Variants in RASAL2 observed in about 807,000 individuals in gnomAD.
The protein encoded by RASAL2 is RAS protein activator like 2, also known as ras GTPase-activating protein nGAP.
RASAL2 carries 58 observed loss-of-function variants against 128.9 expected under a neutral mutation model. The observed-to-expected ratio is 0.45, with a 90% confidence interval of 0.36 to 0.56. RASAL2 has a LOEUF of 0.56. RASAL2 is among the 20% of genes least tolerant of loss of function. RASAL2 has a pLI of 0.00. For synonymous variants in RASAL2, 561 were observed against 580.8 expected, an observed-to-expected ratio of 0.97 and a Z score of 0.49; for missense variants, 1,360 against 1,601.6, an observed-to-expected ratio of 0.85 and a Z score of 2.57.
chr1:178,257,123 A>G (rs182963287), intron 1 of RASAL2, among the ~76,000 whole-genome samples: 1 of 152,322 alleles, frequency 6.6e-6, no homozygotes, highest in African/African-American at 2.4e-5. Flanking sequence ...AAGAAATTAA[A>G]GAAGATTTAA....
At chr1:178,403,610 C>T (rs934927707) in intron 4 of RASAL2, among the ~76,000 whole-genome samples, 3 of 151,966 alleles carry the variant, frequency 2.0e-5, no homozygotes, top group Admixed American at 6.6e-5. Context: ...GATATAAGGA[C>T]AACTGAGTAA....
At chr1:178,241,451 A>G (rs148766781) in intron 1 of RASAL2, among the ~76,000 whole-genome samples, 33 of 152,332 alleles carry the variant, frequency 2.2e-4, no homozygotes, top group African/African-American at 6.5e-4. Context: ...TTAGGGGTAC[A>G]TATTAAATTT....
At chr1:178,228,609 C>T (rs1220383992) in intron 1 of RASAL2, among the ~76,000 whole-genome samples, 4 of 152,042 alleles carry the variant, frequency 2.6e-5, no homozygotes, top group African/African-American at 9.7e-5. Context: ...GGTAGTTTTT[C>T]GAAACAATTG....
rs68137228 is a variant in RASAL2 at position 178,110,650 on chromosome 1, A to ATATATATATATGTATG, written c.202+15959_202+15960insATATATATGTATGTAT. On this transcript the variant is annotated intron_variant, in intron 1 of 17. Coordinates refer to ENST00000367649, the MANE Select transcript of RASAL2 (RefSeq NM_170692.4). Reference sequence around the variant, plus strand: ...ATATAGTGTATACATATATATATATATATGTATGTATACTGCAAACTCCAC... The same window carrying ATATATATATATGTATG: ...ATATAGTGTATACATATATATATATATATATATATATGTATGTATGTATGTATACTGCAAACTCCAC... 8.6e-5 allele frequency among the ~76,000 whole-genome samples: 12 copies of ATATATATATATGTATG among 139,162 alleles called. No homozygotes were observed. In the East Asian group the frequency reaches 1.5e-3, roughly 18 times the overall value. 91.3% of individuals were successfully genotyped at this position (139,162 alleles called of 152,430 possible).
chr1:178,253,822 G>A lies in RASAL2; in HGVS notation c.203-29742G>A, dbSNP rs530583899. 4.6e-5 allele frequency among the ~76,000 whole-genome samples: 7 copies of A among 152,244 alleles called. No homozygotes were observed. The South Asian group carries it at 1.5e-3, about 32-fold the overall frequency. On this transcript the variant is annotated intron_variant, in intron 1 of 17. Coordinates refer to ENST00000367649, the MANE Select transcript of RASAL2 (RefSeq NM_170692.4). ...TGGTGGAATGTCATCAGTTAAGGCA[G>A]GAACAGGCCATTTTCACTTCTTTTG...
At chr1:178,337,560 G>A (rs7548163) in intron 3 of RASAL2, among the ~76,000 whole-genome samples, 16,151 of 152,070 alleles carry the variant, frequency 0.11, 906 homozygotes, top group Middle Eastern at 0.14. Context: ...ATCATCTGCT[G>A]TTCAAAAGAG....
intron 3 of RASAL2, among the ~76,000 whole-genome samples, chr1:178,389,661 C>G (rs568406976): frequency 6.6e-6 from 1 of 152,186 alleles, no homozygotes; most frequent in Non-Finnish European, 1.5e-5. Context: ...CTGCACAGAA[C>G]TAACTTTGAC....
intron 1 of RASAL2, among the ~76,000 whole-genome samples, chr1:178,256,907 C>T: frequency 6.6e-6 from 1 of 152,156 alleles, no homozygotes; most frequent in East Asian, 1.9e-4. Context: ...CTCCTGATCT[C>T]AGGTGATCCA....
chr1:178,135,369 A>C (rs1031655701), intron 1 of RASAL2, among the ~76,000 whole-genome samples: 1 of 151,994 alleles, frequency 6.6e-6, no homozygotes, highest in Non-Finnish European at 1.5e-5. Flanking sequence ...CATTTTTTCC[A>C]CAAACTTTTT....
intron 1 of RASAL2, among the ~76,000 whole-genome samples, chr1:178,256,884 G>A (rs1354045974): frequency 6.6e-6 from 1 of 152,050 alleles, no homozygotes; most frequent in Non-Finnish European, 1.5e-5. Flanking sequence ...GTGTTGCCCA[G>A]GCTGGTCTCA....
chr1:178,439,954 G>A (rs929549611), intron 6 of RASAL2, among the ~76,000 whole-genome samples: 1 of 132,746 alleles, frequency 7.5e-6, no homozygotes, highest in Non-Finnish European at 1.5e-5. Flanking sequence ...CTGAGACCAT[G>A]TTTTTCTTAT....
intron 6 of RASAL2, among the ~76,000 whole-genome samples, 159 bp from the exon 7 acceptor site, chr1:178,441,390 G>A (rs992280196): frequency 6.6e-6 from 1 of 152,034 alleles, no homozygotes; most frequent in Non-Finnish European, 1.5e-5. Context: ...AGTAGTTTGG[G>A]ATCTGAGACC....
At chr1:178,425,947 G>A (rs545757961) in intron 5 of RASAL2, among the ~76,000 whole-genome samples, 1 of 152,266 alleles carries the variant, frequency 6.6e-6, no homozygotes, top group South Asian at 2.1e-4. Context: ...AGCAGTCTCT[G>A]CATAGGAAGT....
chr1:178,465,827 AAAAAGAAAGAAAGAG>A (rs2102945438), intron 15 of RASAL2, 78 bp from the exon 16 acceptor site: 1 of 1,179,790 alleles, frequency 8.5e-7, no homozygotes, highest in Non-Finnish European at 1.2e-6. Context: ...AGAAAAAGAA[AAAAAGAAAGAAAGAG>A]AAAGAAAGAA....
chr1:178,318,602 A>G (rs1348416039), intron 3 of RASAL2, among the ~76,000 whole-genome samples: 1 of 150,268 alleles, frequency 6.7e-6, no homozygotes, highest in East Asian at 2.0e-4. Flanking sequence ...TTTATCAGAG[A>G]CTAGGATTGC....
intron 5 of RASAL2, among the ~76,000 whole-genome samples, chr1:178,423,937 G>T (rs1675330598): frequency 6.6e-6 from 1 of 151,914 alleles, no homozygotes; most frequent in Non-Finnish European, 1.5e-5. Flanking sequence ...TCTGTTTCTT[G>T]TGTTTTAAAA....
chr1:178,450,077 T>C (rs762496610), intron 9 of RASAL2, among the ~76,000 whole-genome samples: 1 of 152,138 alleles, frequency 6.6e-6, no homozygotes, highest in Non-Finnish European at 1.5e-5. Flanking sequence ...AGAGAACATA[T>C]TGACTACATA....
intron 5 of RASAL2, among the ~76,000 whole-genome samples, chr1:178,424,634 AT>A (rs1675402690): frequency 6.6e-6 from 1 of 151,800 alleles, no homozygotes; most frequent in Non-Finnish European, 1.5e-5. Flanking sequence ...GCTTATTTTT[AT>A]ACTTTTTGTA....
intron 1 of RASAL2, among the ~76,000 whole-genome samples, chr1:178,193,856 G>A (rs1205139614): frequency 6.6e-6 from 1 of 152,118 alleles, no homozygotes; most frequent in African/African-American, 2.4e-5. Flanking sequence ...TATTACAAAT[G>A]CACATGGTGT....
Sources: allele counts gnomAD v4.1 joint callset (sites outside exome capture counted in the v4.1 genomes callset), GRCh38; gene constraint gnomAD v4.1.1; transcripts MANE v1.5; gene names NCBI Gene and HGNC (gene_info 2026-07-23, HGNC 2026-07-21).